Variants in DLG2 observed in about 807,000 individuals in gnomAD.
DLG2 encodes the protein discs large MAGUK scaffold protein 2.
DLG2 carries 45 observed loss-of-function variants against 132.5 expected under a neutral mutation model. The observed-to-expected ratio is 0.34, with a 90% CI of 0.27 to 0.44. The LOEUF (loss-of-function observed/expected upper bound fraction) is 0.44, where lower values mean the gene tolerates loss of function less well. DLG2 is among the 20% of genes least tolerant of loss of function. DLG2 has a pLI of 1.00. For missense variants in DLG2, 1,045 were observed against 1,196.9 expected (o/e 0.87, Z 1.87); for synonymous variants, 424 against 419.6 (o/e 1.01, Z -0.13).
intron 21 of DLG2, among the ~76,000 whole-genome samples, chr11:83,497,542 AAAAAC>A (rs200040866): frequency 0.27 from 40,608 of 150,240 alleles, 5,710 homozygotes; most frequent in East Asian, 0.35. Context: ...CTCAAAAACA[AAAAAC>A]AAAAAACAAA....
rs79930650 is a variant in DLG2 at position 85,153,996 on chromosome 11, T to C, written c.282+560A>G. Among the ~76,000 whole-genome samples, 897 of 152,226 alleles carry C rather than the reference T, an allele frequency of 5.9e-3. 10 individuals are homozygous for C. The highest frequency in any genetic ancestry group is 0.02 in the African/African-American group (825 of 41,540). ...TGCCTGGAAGGTTGGCATATTTGTA[T>C]CCCACTTAGGACTAATGACTTCATT... On this transcript the variant is annotated intron_variant, in intron 5 of 27. Transcript: ENST00000376104.
At chr11:84,445,175 A>G (rs1339389166) in intron 7 of DLG2, among the ~76,000 whole-genome samples, 1 of 152,136 alleles carries the variant, frequency 6.6e-6, no homozygotes, top group South Asian at 2.1e-4. Flanking sequence ...ATCAGTCATT[A>G]TTATTATCAC....
At chr11:83,662,653 T>G (rs1313225094) in intron 18 of DLG2, among the ~76,000 whole-genome samples, 1 of 152,210 alleles carries the variant, frequency 6.6e-6, no homozygotes, top group East Asian at 1.9e-4. Flanking sequence ...ACATAGGAGG[T>G]GCCTGTTCTG....
intron 3 of DLG2, among the ~76,000 whole-genome samples, chr11:85,297,469 C>T (rs1449490285): frequency 3.9e-5 from 6 of 152,182 alleles, no homozygotes; most frequent in Admixed American, 2.6e-4. Context: ...AACCAGCAGG[C>T]CATTCTGCCT....
Position 83,913,872 on chromosome 11 carries a change from G to A in DLG2, c.1496+16456C>T, listed in dbSNP as rs555243374. ...AATCAGGTCAATGACAACCAGATTTGCAATGCAGAATGCTCCACATGGGCT... is the reference window on the plus strand; with the variant it reads ...AATCAGGTCAATGACAACCAGATTTACAATGCAGAATGCTCCACATGGGCT... On this transcript the variant is annotated intron_variant, in intron 15 of 27. Transcript: ENST00000376104. Among the ~76,000 whole-genome samples, 3 of 152,268 alleles carry A rather than the reference G, an allele frequency of 2.0e-5. No homozygotes were observed. The South Asian group carries it at 6.2e-4, about 32-fold the overall frequency.
intron 6 of DLG2, among the ~76,000 whole-genome samples, chr11:85,062,810 TAA>T (rs1179746181): frequency 3.3e-5 from 5 of 151,656 alleles, no homozygotes; most frequent in African/African-American, 1.2e-4. Context: ...ACCAGAAGAC[TAA>T]AAGAGAGTTA....
At chr11:84,828,822 C>T (rs570349219) in intron 6 of DLG2, among the ~76,000 whole-genome samples, 12 of 151,838 alleles carry the variant, frequency 7.9e-5, no homozygotes, top group Admixed American at 3.9e-4. Flanking sequence ...ATTTATTGTA[C>T]GGCTATGTGT....
chr11:84,088,115 A>G, intron 10 of DLG2, among the ~76,000 whole-genome samples: 1 of 152,154 alleles, frequency 6.6e-6, no homozygotes, highest in South Asian at 2.1e-4. Context: ...CTTTGAAAGC[A>G]CAAAGTTTTT....
intron 6 of DLG2, among the ~76,000 whole-genome samples, chr11:84,537,071 TA>T (rs1313377719): frequency 5.4e-4 from 1 of 1,836 alleles, no homozygotes; most frequent in Non-Finnish European, 9.2e-4. Flanking sequence ...GCCATAACCC[TA>T]CTACTATATA....
At chr11:84,813,066 G>C (rs1376517557) in intron 6 of DLG2, among the ~76,000 whole-genome samples, 4 of 152,102 alleles carry the variant, frequency 2.6e-5, no homozygotes, top group South Asian at 4.2e-4. Flanking sequence ...CCTTAAAAAG[G>C]CTTCTAGATC....
chr11:83,625,148 G>C (rs2062288270), intron 19 of DLG2, among the ~76,000 whole-genome samples: 1 of 152,210 alleles, frequency 6.6e-6, no homozygotes. Flanking sequence ...GCCAAGTACT[G>C]GGCAGGGGGG....
intron 18 of DLG2, among the ~76,000 whole-genome samples, chr11:83,658,552 G>A (rs574078013): frequency 3.9e-5 from 6 of 152,254 alleles, no homozygotes; most frequent in African/African-American, 4.8e-5. Context: ...TTTTATAAGC[G>A]AAATGATTTG....
chr11:85,161,408 A>G (rs148964258), intron 4 of DLG2, among the ~76,000 whole-genome samples: 119 of 152,248 alleles, frequency 7.8e-4, no homozygotes, highest in African/African-American at 2.7e-3. Context: ...AGAGACCAAC[A>G]CCGAGCCCTC....
intron 7 of DLG2, among the ~76,000 whole-genome samples, chr11:84,392,260 A>G (rs2098795080): frequency 6.6e-6 from 1 of 152,268 alleles, no homozygotes; most frequent in East Asian, 1.9e-4. Context: ...AGCCTCGCAC[A>G]CTACTATGTT....
At chr11:85,055,807 T>A (rs1453748193) in intron 6 of DLG2, among the ~76,000 whole-genome samples, 1 of 152,014 alleles carries the variant, frequency 6.6e-6, no homozygotes, top group African/African-American at 2.4e-5. Context: ...GGCCCACCAA[T>A]AAGGAATTAA....
rs148400546 is a variant in DLG2 at position 84,269,419 on chromosome 11, C to T, written c.520-18128G>A. Among the ~76,000 whole-genome samples, 1,252 of 152,314 alleles carry T rather than the reference C, an allele frequency of 8.2e-3. 15 individuals carry two copies. The highest frequency in any genetic ancestry group is 0.029 in the African/African-American group (1,193 of 41,570). On this transcript the variant is annotated intron_variant, in intron 7 of 27. Transcript: ENST00000376104. ...GTCCTCTTCTTCCATCATTACTGAG[C>T]GTCAAAATTCTGTTTAACCTTCAAA...
chr11:83,842,357 A>ATTAT (rs2057737003), intron 16 of DLG2, among the ~76,000 whole-genome samples: 2 of 152,130 alleles, frequency 1.3e-5, no homozygotes, highest in African/African-American at 4.8e-5. Context: ...GCACTCTGGG[A>ATTAT]GGCCAAGGCG....
chr11:83,775,401 T>C (rs938366737), intron 18 of DLG2, among the ~76,000 whole-genome samples: 1 of 152,228 alleles, frequency 6.6e-6, no homozygotes, highest in Admixed American at 6.5e-5. Context: ...CTCTACTGTA[T>C]AGTTTTTAAC....
At chr11:83,752,615 C>A (rs1429266472) in intron 18 of DLG2, among the ~76,000 whole-genome samples, 1 of 152,108 alleles carries the variant, frequency 6.6e-6, no homozygotes, top group African/African-American at 2.4e-5. Context: ...GGAAGAAGAG[C>A]AATTGGAGAT....
Sources: gnomAD v4.1 joint callset for allele counts (sites outside exome capture counted in the v4.1 genomes callset) on GRCh38, gnomAD v4.1.1 for gene constraint, MANE v1.5 for transcripts, NCBI Gene and HGNC (gene_info 2026-07-23, HGNC 2026-07-21) for gene names.